DACH2: variants seen among roughly 807,000 people sequenced by gnomAD.
DACH2 encodes dachshund homolog 2.
Under a neutral mutation model 35.8 loss-of-function variants are expected in DACH2, and 17 were observed. The observed-to-expected ratio is 0.48, with a 90% confidence interval of 0.33 to 0.71. The LOEUF (loss-of-function observed/expected upper bound fraction) is 0.71. DACH2 is among the 30% of genes least tolerant of loss of function. The pLI, the probability that DACH2 is intolerant of heterozygous loss-of-function variation, is 0.02. For synonymous variants in DACH2, 195 were observed against 177.3 expected, an observed-to-expected ratio of 1.10 and a Z score of -0.79; for missense variants, 469 against 472.7, an observed-to-expected ratio of 0.99 and a Z score of 0.07.
intron 2 of DACH2, among the ~76,000 whole-genome samples, chrX:86,455,037 G>T (rs2037449976): frequency 9.0e-6 from 1 of 111,076 alleles, no homozygotes; most frequent in Non-Finnish European, 1.9e-5. Context: ...CTGTAGGGCT[G>T]CTGTGGTTTG....
chrX:86,301,586 C>T (rs1044915459), intron 1 of DACH2, among the ~76,000 whole-genome samples: 20 of 111,537 alleles, frequency 1.8e-4, no homozygotes, highest in Admixed American at 1.6e-3. Context: ...TGAAAGTGTA[C>T]AACTACCTCC....
intron 1 of DACH2, among the ~76,000 whole-genome samples, chrX:86,254,453 G>A (rs2063774459): frequency 9.1e-6 from 1 of 109,572 alleles, no homozygotes; most frequent in Admixed American, 9.9e-5. Flanking sequence ...AGTATTTTGT[G>A]TAAAGCAATT....
At chrX:86,415,572 T>C (rs1370484556) in intron 2 of DACH2, among the ~76,000 whole-genome samples, 1 of 112,203 alleles carries the variant, frequency 8.9e-6, no homozygotes, top group Non-Finnish European at 1.9e-5. Context: ...TGTAGCTTTT[T>C]CTTTAAGTCC....
intron 2 of DACH2, among the ~76,000 whole-genome samples, chrX:86,454,773 G>A (rs1023796829): frequency 1.3e-4 from 14 of 111,958 alleles, no homozygotes; most frequent in African/African-American, 4.5e-4. Flanking sequence ...CTACTTCTGT[G>A]TATTCAGTCA....
At chrX:86,633,216 A>G (rs1337705642) in intron 3 of DACH2, among the ~76,000 whole-genome samples, 1 of 111,676 alleles carries the variant, frequency 9.0e-6, no homozygotes, top group Non-Finnish European at 1.9e-5. Context: ...CTAGTTGGAC[A>G]AACTAAGAAG....
chrX:86,304,558 C>T (rs953192745), intron 1 of DACH2: 8 of 154,936 alleles, frequency 5.2e-5, no homozygotes, highest in South Asian at 1.5e-4. Flanking sequence ...GAAGAGCTTA[C>T]GATAACCAGG....
chrX:86,286,338 G>C (rs1320318122), intron 1 of DACH2, among the ~76,000 whole-genome samples: 1 of 109,465 alleles, frequency 9.1e-6, no homozygotes, highest in African/African-American at 3.3e-5. Context: ...CACCTTGTTA[G>C]CCAGGTTGGT....
At chrX:86,591,170 G>A (rs1191047270) in intron 3 of DACH2, among the ~76,000 whole-genome samples, 2 of 111,844 alleles carry the variant, frequency 1.8e-5, no homozygotes, top group African/African-American at 3.3e-5. Flanking sequence ...TTTTATGGCT[G>A]CATAGTATAC....
chrX:86,160,360 A>G, intron 1 of DACH2: 1 of 827,759 alleles, frequency 1.2e-6, no homozygotes, highest in Non-Finnish European at 1.8e-6. Context: ...AGTGACCCAG[A>G]GGAGGATAGT....
At chrX:86,726,114 T>G (rs2148469100) in intron 6 of DACH2, among the ~76,000 whole-genome samples, 1 of 111,779 alleles carries the variant, frequency 8.9e-6, no homozygotes, top group Non-Finnish European at 1.9e-5. Flanking sequence ...CTATGCTGTA[T>G]ACCTGCCATC....
intron 3 of DACH2, among the ~76,000 whole-genome samples, chrX:86,619,900 C>G (rs746195025): frequency 1.8e-5 from 2 of 111,967 alleles, no homozygotes; most frequent in Admixed American, 9.5e-5. Flanking sequence ...CCATTATACA[C>G]GAAGAGACTA....
intron 6 of DACH2, among the ~76,000 whole-genome samples, chrX:86,717,363 G>A (rs918190493): frequency 9.0e-6 from 1 of 111,142 alleles, no homozygotes. Context: ...TTATGCTTAA[G>A]ATAATGGCCT....
chrX:86,523,650 A>G (rs1372864026), intron 3 of DACH2, among the ~76,000 whole-genome samples: 1 of 110,539 alleles, frequency 9.0e-6, no homozygotes, highest in Non-Finnish European at 1.9e-5. Context: ...TGGTTGAGGA[A>G]TGAAATCATA....
intron 4 of DACH2, among the ~76,000 whole-genome samples, chrX:86,659,517 G>A (rs1023648712): frequency 5.4e-5 from 6 of 111,253 alleles, no homozygotes; most frequent in South Asian, 3.7e-4. Context: ...TAGCCAACAC[G>A]TAATCATTCT....
At chrX:86,798,430 A>G (rs1170865956) in intron 7 of DACH2, among the ~76,000 whole-genome samples, 2 of 113,088 alleles carry the variant, frequency 1.8e-5, no homozygotes, top group Admixed American at 9.3e-5. Flanking sequence ...CATAATGTTT[A>G]AGAACAAAAT....
At chrX:86,249,408 C>A (rs1382050796) in intron 1 of DACH2, among the ~76,000 whole-genome samples, 1 of 111,473 alleles carries the variant, frequency 9.0e-6, no homozygotes, top group Non-Finnish European at 1.9e-5. Flanking sequence ...ACAGATACTT[C>A]TCTATAGAAT....
intron 3 of DACH2, among the ~76,000 whole-genome samples, 156 bp from the exon 4 acceptor site, chrX:86,650,880 A>G (rs1201494498): frequency 9.0e-6 from 1 of 111,390 alleles, no homozygotes; most frequent in Non-Finnish European, 1.9e-5. Flanking sequence ...ACATTAAGAA[A>G]TGATCCCCAT....
intron 1 of DACH2, among the ~76,000 whole-genome samples, chrX:86,288,709 A>G (rs1007364071): frequency 5.4e-5 from 6 of 111,236 alleles, no homozygotes; most frequent in African/African-American, 2.0e-4. Context: ...TACCACTGAT[A>G]TTTCCTTAAG....
intron 1 of DACH2, among the ~76,000 whole-genome samples, chrX:86,346,965 T>C (rs1056187048): frequency 9.8e-5 from 11 of 111,979 alleles, no homozygotes; most frequent in Admixed American, 2.8e-4. Flanking sequence ...CTAGACATAA[T>C]GTTTTCATGG....
Sources: allele counts gnomAD v4.1 joint callset (sites outside exome capture counted in the v4.1 genomes callset), GRCh38; gene constraint gnomAD v4.1.1; transcripts MANE v1.5; gene names NCBI Gene and HGNC (gene_info 2026-07-23, HGNC 2026-07-21).